The following IQGAP2 variants were observed in gnomAD, a reference collection of about 807,000 sequenced individuals.
The protein encoded by IQGAP2 is ras GTPase-activating-like protein IQGAP2.
Under a neutral mutation model 201.3 loss-of-function variants are expected in IQGAP2, and 173 were observed. The observed-to-expected ratio is 0.86, with a 90% CI of 0.76 to 0.98. The LOEUF (loss-of-function observed/expected upper bound fraction) is 0.98, where lower values mean the gene tolerates loss of function less well. Ranked by LOEUF, IQGAP2 falls within the 50% of genes least tolerant of loss-of-function variation. The pLI is 0.00. For synonymous variants in IQGAP2, 675 were observed against 673.9 expected (o/e 1.00, Z -0.03); for missense variants, 1,687 against 1,864.8 (o/e 0.90, Z 1.76).
chr5:76,606,951 C>G (rs1281552467), intron 12 of IQGAP2: 1 of 152,222 alleles, frequency 6.6e-6, no homozygotes. Context: ...TTACCAAATT[C>G]AAGCTTCGAG....
chr5:76,574,217 T>G (rs1395127024), intron 4 of IQGAP2, among the ~76,000 whole-genome samples: 1 of 152,236 alleles, frequency 6.6e-6, no homozygotes, highest in Non-Finnish European at 1.5e-5. Flanking sequence ...TTTAAAAGCC[T>G]CAAGCTTAAT....
intron 2 of IQGAP2, among the ~76,000 whole-genome samples, chr5:76,541,787 A>G (rs1742793827): frequency 1.3e-5 from 2 of 152,332 alleles, no homozygotes; most frequent in Middle Eastern, 3.4e-3. Context: ...TTCTACTTTT[A>G]TATACCTGCT....
At chr5:76,675,358 G>A (rs1253875855) in intron 27 of IQGAP2, among the ~76,000 whole-genome samples, 3 of 152,144 alleles carry the variant, frequency 2.0e-5, no homozygotes, top group South Asian at 2.1e-4. Context: ...ACCAAGGAAC[G>A]ACTGTAGTAG....
At chr5:76,598,625 A>T (rs972881673) in intron 10 of IQGAP2, among the ~76,000 whole-genome samples, 1 of 152,368 alleles carries the variant, frequency 6.6e-6, no homozygotes, top group South Asian at 2.1e-4. Context: ...AGTATGAATT[A>T]TACAGATTTT....
At chr5:76,522,183 T>TG (rs869077524) in intron 2 of IQGAP2, among the ~76,000 whole-genome samples, 20 of 25,478 alleles carry the variant, frequency 7.8e-4, no homozygotes, top group Admixed American at 2.4e-3. Flanking sequence ...ATCCCTAGAA[T>TG]TTTTTTTTTT....
At chr5:76,587,292 G>A (rs987217396) in intron 5 of IQGAP2, among the ~76,000 whole-genome samples, 6 of 152,162 alleles carry the variant, frequency 3.9e-5, no homozygotes, top group South Asian at 2.1e-4. Context: ...TTTATTGTGT[G>A]TGTACCCTTT....
chr5:76,519,059 C>G (rs1758514724), intron 2 of IQGAP2, among the ~76,000 whole-genome samples: 1 of 152,110 alleles, frequency 6.6e-6, no homozygotes, highest in Non-Finnish European at 1.5e-5. Flanking sequence ...TTTTCCATCT[C>G]TTTTTATTAT....
At chr5:76,553,293 T>C (rs1354029107) in intron 2 of IQGAP2, among the ~76,000 whole-genome samples, 1 of 152,250 alleles carries the variant, frequency 6.6e-6, no homozygotes, top group African/African-American at 2.4e-5. Context: ...GAATATGTCT[T>C]ATGTGCTGAT....
intron 1 of IQGAP2, among the ~76,000 whole-genome samples, chr5:76,432,737 G>T (rs982177876): frequency 6.6e-6 from 1 of 152,264 alleles, no homozygotes; most frequent in African/African-American, 2.4e-5. Context: ...TTATGGTTTA[G>T]TAGGATAGAC....
chr5:76,634,450 G>A (rs1750963515), intron 15 of IQGAP2, among the ~76,000 whole-genome samples: 1 of 151,958 alleles, frequency 6.6e-6, no homozygotes, highest in African/African-American at 2.4e-5. Flanking sequence ...AGTAGAGACG[G>A]GGTTTCACCA....
chr5:76,648,230 G>A (rs1342689265), intron 17 of IQGAP2, among the ~76,000 whole-genome samples: 1 of 152,096 alleles, frequency 6.6e-6, no homozygotes, highest in Non-Finnish European at 1.5e-5. Context: ...AAGGTTCCTT[G>A]GGTCCCAAGA....
intron 2 of IQGAP2, among the ~76,000 whole-genome samples, chr5:76,477,857 GC>G (rs1276422261): frequency 7.3e-6 from 1 of 137,354 alleles, no homozygotes; most frequent in Non-Finnish European, 1.5e-5. Context: ...TTAGTTTATA[GC>G]AAAAAAGTTT....
At position 76,701,136 on chromosome 5, in the gene IQGAP2, G is replaced by A. The variant is rs775477216; in HGVS notation, c.4428G>A (p.Ala1476=). The A allele has an allele frequency of 3.7e-5, 60 of 1,613,992 alleles. No individual in the cohort carries two copies. Among genetic ancestry groups the A allele is most frequent in the African/African-American group, 9.3e-5 (7 of 74,936 alleles). The change falls in exon 34 of 36, where the codon GCG becomes GCA. Residue 1476 remains alanine (A), a synonymous_variant. Transcript: ENST00000274364. The stretch of plus-strand genomic sequence containing the variant: ...GAGAACCCAAAGGGGCGAAGAGAGC[G>A]AAGCCAGTGAAGTACACTGCAGCAA... ...GKGEPKGAKR[A]KPVKYTAAKL...
intron 1 of IQGAP2, among the ~76,000 whole-genome samples, chr5:76,436,049 G>C (rs1309783190): frequency 6.6e-6 from 1 of 152,052 alleles, no homozygotes; most frequent in East Asian, 1.9e-4. Context: ...CAGTGCTATT[G>C]ATTTGTGTAC....
intron 29 of IQGAP2, 83 bp downstream of exon 29, chr5:76,683,300 C>T: frequency 1.3e-6 from 1 of 792,414 alleles, no homozygotes; most frequent in Middle Eastern, 2.4e-4. Context: ...TTTTCCTATC[C>T]TAGATAAAAC....
intron 2 of IQGAP2, among the ~76,000 whole-genome samples, chr5:76,489,858 T>C (rs1005543453): frequency 2.6e-5 from 4 of 152,210 alleles, no homozygotes; most frequent in Non-Finnish European, 5.9e-5. Context: ...CTGTTTCTCA[T>C]TTCCCTTTTC....
At chr5:76,704,624 T>C (rs1363072005) in intron 35 of IQGAP2, among the ~76,000 whole-genome samples, 1 of 152,168 alleles carries the variant, frequency 6.6e-6, no homozygotes, top group East Asian at 1.9e-4. Flanking sequence ...AAAATAAAAA[T>C]GCAGTGCCCT....
At chr5:76,562,188 G>A (rs904267339) in intron 2 of IQGAP2, among the ~76,000 whole-genome samples, 4 of 152,130 alleles carry the variant, frequency 2.6e-5, no homozygotes, top group South Asian at 2.1e-4. Flanking sequence ...TGAGCTCAGC[G>A]CTTCTGGGCT....
chr5:76,455,877 G>A (rs901996490), intron 1 of IQGAP2, among the ~76,000 whole-genome samples: 2 of 152,132 alleles, frequency 1.3e-5, no homozygotes, highest in Admixed American at 6.5e-5. Flanking sequence ...GGCCATAGTC[G>A]CTTACAGCCT....
Sources: allele counts gnomAD v4.1 joint callset (sites outside exome capture counted in the v4.1 genomes callset), GRCh38; gene constraint gnomAD v4.1.1; transcripts MANE v1.5; gene names NCBI Gene and HGNC (gene_info 2026-07-23, HGNC 2026-07-21).